The following CADPS variants were observed in gnomAD, a reference collection of about 807,000 sequenced individuals.
CADPS encodes the protein calcium dependent secretion activator, also known as calcium-dependent secretion activator 1.
A neutral mutation model predicts 167.3 loss-of-function variants in CADPS; 57 were observed. The ratio of observed to expected loss-of-function variants is 0.34; its 90% CI spans 0.28 to 0.42. The LOEUF (loss-of-function observed/expected upper bound fraction) is 0.42. Ranked by LOEUF, CADPS falls within the 20% of genes least tolerant of loss-of-function variation. The pLI, the probability that CADPS is intolerant of heterozygous loss-of-function variation, is 1.00. For missense variants in CADPS, 1,414 were observed against 1,738.1 expected, an observed-to-expected ratio of 0.81 and a Z score of 3.32; for synonymous variants, 676 against 635.3, an observed-to-expected ratio of 1.06 and a Z score of -0.96.
chr3:62,453,297 AT>A (rs980048476), intron 26 of CADPS, among the ~76,000 whole-genome samples: 26 of 152,004 alleles, frequency 1.7e-4, no homozygotes, highest in Admixed American at 7.9e-4. Flanking sequence ...GTACTGTTTC[AT>A]TTTTTTTAGC....
At chr3:62,648,553 G>C (rs1222786426) in intron 5 of CADPS, among the ~76,000 whole-genome samples, 1 of 151,804 alleles carries the variant, frequency 6.6e-6, no homozygotes, top group Non-Finnish European at 1.5e-5. Context: ...TTGGTGGTGT[G>C]CACCTGTAGT....
At chr3:62,618,492 T>G (rs2062682277) in intron 6 of CADPS, among the ~76,000 whole-genome samples, 1 of 152,144 alleles carries the variant, frequency 6.6e-6, no homozygotes, top group African/African-American at 2.4e-5. Flanking sequence ...ATGTTCCCTT[T>G]ATAATAAAAG....
chr3:62,720,295 G>C (rs371975512), intron 3 of CADPS, among the ~76,000 whole-genome samples: 1 of 151,438 alleles, frequency 6.6e-6, no homozygotes, highest in Admixed American at 6.6e-5. Flanking sequence ...AAGAATGCAG[G>C]AATGGTATCA....
chr3:62,498,061 A>G (rs1576852881), intron 18 of CADPS: 1 of 454,290 alleles, frequency 2.2e-6, no homozygotes, highest in Non-Finnish European at 4.4e-6. Flanking sequence ...AGCACCAGGA[A>G]AAGTCCCATT....
intron 11 of CADPS, among the ~76,000 whole-genome samples, chr3:62,538,306 T>A (rs184569763): frequency 6.6e-6 from 1 of 152,116 alleles, no homozygotes; most frequent in African/African-American, 2.4e-5. Context: ...CTAGGGCATG[T>A]GTGTGACTCC....
intron 1 of CADPS, chr3:62,779,085 G>A (rs1439267995): frequency 3.0e-5 from 5 of 167,076 alleles, no homozygotes; most frequent in Non-Finnish European, 5.6e-5. Flanking sequence ...ATGGGGTTTC[G>A]CCATGTTGGC....
At chr3:62,415,142 C>T (rs569162492) in intron 28 of CADPS, among the ~76,000 whole-genome samples, 63 of 150,934 alleles carry the variant, frequency 4.2e-4, no homozygotes, top group African/African-American at 1.4e-3. Context: ...ACACGTACGA[C>T]ATCCAACATA....
intron 3 of CADPS, among the ~76,000 whole-genome samples, chr3:62,735,098 G>T (rs931691989): frequency 1.3e-5 from 2 of 151,800 alleles, no homozygotes; most frequent in Non-Finnish European, 2.9e-5. Context: ...GCATTTTTTT[G>T]TAATAGCAAA....
rs535218088 is a variant in CADPS at position 62,570,487 on chromosome 3, T to A, written c.1644+385A>T. ...ACATTGTTTTCAGCCAAAGTTAATG[T>A]CCCTATAGCCCTCACTTGGCATGAG... On this transcript the variant is annotated intron_variant, in intron 9 of 29. Coordinates refer to ENST00000383710, the MANE Select transcript of CADPS (RefSeq NM_003716.4). Among the ~76,000 whole-genome samples, 17 of 152,338 alleles carry A rather than the reference T, an allele frequency of 1.1e-4. No individual in the cohort carries two copies. The South Asian group carries it at 2.3e-3, about 20-fold the overall frequency.
intron 17 of CADPS, among the ~76,000 whole-genome samples, chr3:62,506,943 C>G (rs961935363): frequency 2.0e-5 from 3 of 152,204 alleles, no homozygotes; most frequent in African/African-American, 7.2e-5. Flanking sequence ...ATTAAAGAAG[C>G]CTGTCAGCAG....
At chr3:62,580,979 A>C (rs1352416002) in intron 8 of CADPS, among the ~76,000 whole-genome samples, 1 of 152,220 alleles carries the variant, frequency 6.6e-6, no homozygotes, top group Non-Finnish European at 1.5e-5. Flanking sequence ...AATGTGCTTT[A>C]GAAGTAATTT....
At chr3:62,802,345 G>A (rs1433350593) in intron 1 of CADPS, among the ~76,000 whole-genome samples, 3 of 152,112 alleles carry the variant, frequency 2.0e-5, no homozygotes, top group African/African-American at 7.2e-5. Flanking sequence ...CTTTGTAAAT[G>A]TTGTACTCTT....
chr3:62,486,293 A>C (rs2062802715), intron 21 of CADPS, among the ~76,000 whole-genome samples: 1 of 151,866 alleles, frequency 6.6e-6, no homozygotes, highest in Non-Finnish European at 1.5e-5. Flanking sequence ...AAAACACAAA[A>C]AATTAGCTGG....
At chr3:62,824,251 G>C (rs1338554533) in intron 1 of CADPS, among the ~76,000 whole-genome samples, 3 of 151,900 alleles carry the variant, frequency 2.0e-5, no homozygotes, top group Non-Finnish European at 4.4e-5. Flanking sequence ...CCAGATATTT[G>C]ATAGAAAATT....
chr3:62,773,369 CTT>C (rs2089428109), intron 1 of CADPS, among the ~76,000 whole-genome samples: 1 of 152,068 alleles, frequency 6.6e-6, no homozygotes, highest in African/African-American at 2.4e-5. Context: ...TTTTAAGTGA[CTT>C]TTATTTAGCT....
intron 3 of CADPS, among the ~76,000 whole-genome samples, chr3:62,686,640 G>A (rs1280440732): frequency 1.3e-5 from 2 of 152,074 alleles, no homozygotes; most frequent in South Asian, 2.1e-4. Context: ...GTACTTAAGG[G>A]TGTGTCATTC....
At chr3:62,415,289 G>T (rs577950331) in intron 28 of CADPS, among the ~76,000 whole-genome samples, 67 of 152,210 alleles carry the variant, frequency 4.4e-4, no homozygotes, top group Non-Finnish European at 7.2e-4. Context: ...TGGGGAGGGG[G>T]TTGGTGTCAT....
chr3:62,643,663 T>C (rs1188031279), intron 6 of CADPS, among the ~76,000 whole-genome samples: 1 of 152,230 alleles, frequency 6.6e-6, no homozygotes, highest in Non-Finnish European at 1.5e-5. Flanking sequence ...GATCGAATGT[T>C]ACAAACTATG....
At chr3:62,551,833 C>G (rs1280828521) in intron 10 of CADPS, among the ~76,000 whole-genome samples, 1 of 152,286 alleles carries the variant, frequency 6.6e-6, no homozygotes, top group South Asian at 2.1e-4. Context: ...GATTCACACT[C>G]TTATCTCCTT....
Sources: gnomAD v4.1 joint callset for allele counts (sites outside exome capture counted in the v4.1 genomes callset) on GRCh38, gnomAD v4.1.1 for gene constraint, MANE v1.5 for transcripts, NCBI Gene and HGNC (gene_info 2026-07-23, HGNC 2026-07-21) for gene names.